Variants in SRGAP1 observed in about 807,000 individuals in gnomAD.
SRGAP1 encodes the protein SLIT-ROBO Rho GTPase-activating protein 1.
In SRGAP1, 43 loss-of-function variants were observed where a neutral mutation model predicts 121.9. The observed-to-expected ratio is 0.35, with a 90% CI of 0.28 to 0.46. The LOEUF (loss-of-function observed/expected upper bound fraction) is 0.46, where lower values mean the gene tolerates loss of function less well. Among genes scored for constraint, SRGAP1 ranks in the 20% least tolerant of loss-of-function variants. The pLI, the probability that SRGAP1 is intolerant of heterozygous loss-of-function variation, is 1.00. For missense variants in SRGAP1, 1,102 were observed against 1,350.9 expected (o/e 0.82, Z 2.89); for synonymous variants, 447 against 485.4 (o/e 0.92, Z 1.04).
At chr12:64,082,123 A>G (rs1249859729) in intron 10 of SRGAP1, among the ~76,000 whole-genome samples, 7 of 149,308 alleles carry the variant, frequency 4.7e-5, no homozygotes, top group African/African-American at 9.9e-5. Flanking sequence ...GCTTATAGGC[A>G]CAAAGTCCTA....
At chr12:63,877,092 G>C (rs1274799990) in intron 1 of SRGAP1, among the ~76,000 whole-genome samples, 1 of 152,168 alleles carries the variant, frequency 6.6e-6, no homozygotes, top group Non-Finnish European at 1.5e-5. Flanking sequence ...GAGCATGGTG[G>C]CATGCGCCTG....
At chr12:63,918,739 C>T (rs2030905826) in intron 1 of SRGAP1, among the ~76,000 whole-genome samples, 1 of 152,152 alleles carries the variant, frequency 6.6e-6, no homozygotes. Flanking sequence ...TTTGTTTGCA[C>T]TATCTAGGCC....
intron 1 of SRGAP1, among the ~76,000 whole-genome samples, chr12:63,940,659 T>C (rs2031833695): frequency 6.6e-6 from 1 of 152,214 alleles, no homozygotes; most frequent in Non-Finnish European, 1.5e-5. Context: ...AATGGCTAAT[T>C]GTTCTTAATT....
At chr12:64,061,339 C>T (rs545295153) in intron 6 of SRGAP1, among the ~76,000 whole-genome samples, 1 of 151,982 alleles carries the variant, frequency 6.6e-6, no homozygotes, top group South Asian at 2.1e-4. Context: ...CTAACCTGTT[C>T]TTCTCACTTC....
At chr12:64,110,990 A>T (rs1482802211) in intron 16 of SRGAP1, among the ~76,000 whole-genome samples, 1 of 152,198 alleles carries the variant, frequency 6.6e-6, no homozygotes, top group East Asian at 1.9e-4. Flanking sequence ...CTATACACTG[A>T]AAGATAACAT....
intron 1 of SRGAP1, among the ~76,000 whole-genome samples, chr12:63,859,535 G>A (rs185112329): frequency 9.2e-5 from 14 of 151,906 alleles, no homozygotes; most frequent in East Asian, 3.9e-4. Flanking sequence ...TACTATCATC[G>A]TTTTCATTTT....
At chr12:63,886,111 A>G (rs1408117011) in intron 1 of SRGAP1, among the ~76,000 whole-genome samples, 1 of 152,126 alleles carries the variant, frequency 6.6e-6, no homozygotes, top group Non-Finnish European at 1.5e-5. Context: ...CCCAGGCTGG[A>G]GTGCAGCGGC....
chr12:63,883,178 G>A (rs150497894), intron 1 of SRGAP1, among the ~76,000 whole-genome samples: 17 of 152,304 alleles, frequency 1.1e-4, no homozygotes, highest in Non-Finnish European at 2.4e-4. Flanking sequence ...AGTTTTCAAA[G>A]TATCATGAAA....
chr12:64,116,255 CAAAA>C (rs35619316), intron 18 of SRGAP1, among the ~76,000 whole-genome samples: 11 of 72,642 alleles, frequency 1.5e-4, no homozygotes, highest in African/African-American at 5.6e-4. Flanking sequence ...GACCTCATCT[CAAAA>C]AAAAAAAAAA....
intron 1 of SRGAP1, among the ~76,000 whole-genome samples, chr12:63,900,353 G>A (rs551736018): frequency 1.3e-5 from 2 of 151,186 alleles, no homozygotes; most frequent in East Asian, 4.0e-4. Context: ...CTACAGGTGC[G>A]TGCCATCACG....
intron 1 of SRGAP1, among the ~76,000 whole-genome samples, chr12:63,943,399 A>G (rs1014182653): frequency 2.0e-5 from 3 of 152,226 alleles, no homozygotes; most frequent in Non-Finnish European, 4.4e-5. Context: ...TAGCTATGCC[A>G]GGCCCCCATC....
At chr12:63,858,829 A>G (rs1899344836) in intron 1 of SRGAP1, among the ~76,000 whole-genome samples, 1 of 152,098 alleles carries the variant, frequency 6.6e-6, no homozygotes, top group Non-Finnish European at 1.5e-5. Context: ...CAACCTCCCA[A>G]GTAGCTGGGT....
rs200270117 is a variant in SRGAP1, at chr12:64,128,170, C to G, written c.2850C>G (p.His950Gln). The G allele has an allele frequency of 6.2e-7, 1 of 1,600,278 alleles. No homozygotes were observed. Among genetic ancestry groups the G allele is most frequent in the South Asian group, 1.1e-5 (1 of 89,724 alleles). ...SSGQYTGFND[H>Q]KPLDPETIAQ... is the part of the protein sequence containing the mutation. Reference sequence around the variant, plus strand: ...GGCAATACACGGGCTTCAATGACCACAAGCCACTGGACCCAGAGACAATTG... The same window carrying G: ...GGCAATACACGGGCTTCAATGACCAGAAGCCACTGGACCCAGAGACAATTG... Residue 950 changes from histidine (H) to glutamine (Q), a missense_variant, in exon 21 of 22, where the codon CAC becomes CAG. Around this residue, in one of 3 missense-constraint regions of SRGAP1, gnomAD observed 315 missense variants for 343.1 expected, o/e 0.92. Coordinates refer to ENST00000355086, the MANE Select transcript of SRGAP1 (RefSeq NM_020762.4).
chr12:63,882,765 T>C (rs1273831960), intron 1 of SRGAP1, among the ~76,000 whole-genome samples: 2 of 152,242 alleles, frequency 1.3e-5, no homozygotes, highest in Non-Finnish European at 2.9e-5. Context: ...CTTTGTAAAT[T>C]AACTAACTTC....
At position 64,150,953 on chromosome 12, in the gene SRGAP1, A is replaced by C. The variant is rs1242192372; in HGVS notation, c.*8281A>C. ...CTATCTCAAAAAAAAAAAAAAAAAAAAAAAAAACATGGTCAAGATTTGTAA... is the reference window on the plus strand; with the variant it reads ...CTATCTCAAAAAAAAAAAAAAAAAACAAAAAAACATGGTCAAGATTTGTAA... On this transcript the variant is annotated 3_prime_UTR_variant, in exon 22 of 22. Coordinates refer to ENST00000355086, the MANE Select transcript of SRGAP1 (RefSeq NM_020762.4). 1.3e-5 allele frequency: 2 copies of C among 148,680 alleles called. No individual in the cohort carries two copies. Among genetic ancestry groups the C allele is most frequent in the African/African-American group, 4.9e-5 (2 of 41,010 alleles). 9.2% of individuals were successfully genotyped at this position (148,680 alleles called of 1,614,324 possible). A position where few individuals can be genotyped will look rare whatever the true frequency, so the allele number is the denominator to read the frequency against.
rs555403437 is a variant in SRGAP1, at chr12:63,942,357, A to G, written c.68-41590A>G. Among the ~76,000 whole-genome samples the G allele has an allele frequency of 3.9e-4, 60 of 152,342 alleles. No homozygotes were observed. The South Asian group carries it at 0.01, about 26-fold the overall frequency. On this transcript the variant is annotated intron_variant, in intron 1 of 21. Coordinates refer to ENST00000355086, the MANE Select transcript of SRGAP1 (RefSeq NM_020762.4). ...CCATATACATTTAATGACATATACA[A>G]TATGTCTAAGTGAATGATATAATTG...
chr12:64,094,392 T>C (rs919866781), intron 12 of SRGAP1, among the ~76,000 whole-genome samples: 1 of 152,190 alleles, frequency 6.6e-6, no homozygotes, highest in Non-Finnish European at 1.5e-5. Flanking sequence ...AATATGACAA[T>C]GTATGAATGA....
chr12:64,126,284 G>A, intron 19 of SRGAP1, 127 bp downstream of exon 19: 1 of 1,070,100 alleles, frequency 9.3e-7, no homozygotes, highest in Non-Finnish European at 1.3e-6. Flanking sequence ...TCAGAGCTAG[G>A]CACAGTTCCT....
chr12:63,894,306 T>C (rs1453235313), intron 1 of SRGAP1, among the ~76,000 whole-genome samples: 1 of 152,044 alleles, frequency 6.6e-6, no homozygotes, highest in Non-Finnish European at 1.5e-5. Flanking sequence ...AATTGTGAAA[T>C]AGGTAACATT....
Sources: gnomAD v4.1 joint callset for allele counts (sites outside exome capture counted in the v4.1 genomes callset) on GRCh38, gnomAD v4.1.1 for gene constraint, gnomAD v4.1.1 regional missense constraint, MANE v1.5 for transcripts, NCBI Gene and HGNC (gene_info 2026-07-23, HGNC 2026-07-21) for gene names.